Variants in GABBR1 observed in about 807,000 individuals in gnomAD.
GABBR1 encodes gamma-aminobutyric acid type B receptor subunit 1, also known as GABA-B receptor, R1 subunit.
A neutral mutation model predicts 117.7 loss-of-function variants in GABBR1; 35 were observed. That is an observed-to-expected ratio of 0.30 (90% CI 0.23 to 0.39). The LOEUF (loss-of-function observed/expected upper bound fraction) is 0.39, where lower values mean the gene tolerates loss of function less well. GABBR1 is among the 10% of genes least tolerant of loss of function. The pLI, the probability that GABBR1 is intolerant of heterozygous loss-of-function variation, is 1.00. For missense variants in GABBR1, 709 were observed against 1,241.8 expected (o/e 0.57, Z 6.45); for synonymous variants, 442 against 486.6 (o/e 0.91, Z 1.21).
At position 29,613,471 on chromosome 6, in the gene GABBR1, A is replaced by G. The variant is rs762488096; in HGVS notation, c.1338T>C (p.Phe446=). ...TCAGTCGCTTGGTTAGTTTCTCCACAAATTCCTGGGATGTCTTGGGAGGAA... is the reference window on the plus strand; with the variant it reads ...TCAGTCGCTTGGTTAGTTTCTCCACGAATTCCTGGGATGTCTTGGGAGGAA... The part of the protein sequence containing the change: ...RSISNMTSQE[F]VEKLTKRLKR... Residue 446 remains phenylalanine (F), a synonymous_variant, in exon 12 of 23, where the codon TTT becomes TTC. Transcript: ENST00000377034. This position sits in a 1 kb window ranked among gnomAD's most constrained non-coding sequence, Gnocchi z 4.1. 1.9e-6 allele frequency: 3 copies of G among 1,612,766 alleles called. No individual in the cohort carries two copies. The highest frequency in any genetic ancestry group is 2.5e-6 in the Non-Finnish European group (3 of 1,179,772).
rs907674796 is a variant in GABBR1 at position 29,611,715 on chromosome 6, C to T, written c.1631-714G>A. On this transcript the variant is annotated intron_variant, in intron 13 of 22. Transcript: ENST00000377034. This position sits in a 1 kb window ranked among gnomAD's most constrained non-coding sequence, Gnocchi z 4.6. Reference sequence around the variant, plus strand: ...GGCCATGCCGTAAAAGACTGAGAGCCGAGTGGAGCAGAAAAATTAACTCCT... The same window carrying T: ...GGCCATGCCGTAAAAGACTGAGAGCTGAGTGGAGCAGAAAAATTAACTCCT... 6.6e-6 allele frequency among the ~76,000 whole-genome samples: 1 copy of T among 152,108 alleles called. No individual in the cohort carries two copies. Among genetic ancestry groups the T allele is most frequent in the South Asian group, 2.1e-4 (1 of 4,830 alleles).
At position 29,606,966 on chromosome 6, in the gene GABBR1, C is replaced by T; in HGVS notation, c.2148G>A (p.Leu716=). ...GAGTGAGGACATCCATGCCCACCAG[C>T]AGGCCCACTGTGGCATACAGCTTCC... is the stretch of plus-strand genomic sequence containing the variant. ...EPWKLYATVG[L]LVGMDVLTLA... The change falls in exon 18 of 23, where the codon CTG becomes CTA. Residue 716 remains leucine, a synonymous_variant. Transcript: ENST00000377034. The surrounding 1 kb of genome is among the most constrained non-coding windows in gnomAD (Gnocchi z 4.5). The T allele has an allele frequency of 6.2e-7, 1 of 1,614,248 alleles. No homozygotes were observed. The highest frequency in any genetic ancestry group is 1.1e-5 in the South Asian group (1 of 91,090).
chr6:29,612,734 T>A, intron 12 of GABBR1, 120 bp from the exon 13 acceptor site: 2 of 880,230 alleles, frequency 2.3e-6, no homozygotes, highest in Non-Finnish European at 1.9e-6. Flanking sequence ...TGAATGCTAT[T>A]TATGGCATTT....
chr6:29,622,167 T>G lies in GABBR1; in HGVS notation c.1002A>C (p.Gly334=). ...DDLEERVKEA[G]IEITFRQSFF... ...AACTCTGGCGGAAAGTAATCTCAAT[T>G]CCAGCCTCCTTCACTCGTTCCTCCA... The change falls in exon 9 of 23, where the codon GGA becomes GGC. Residue 334 remains glycine, a synonymous_variant. Transcript: ENST00000377034. The surrounding 1 kb of genome is among the most constrained non-coding windows in gnomAD (Gnocchi z 4.6). 6.2e-7 allele frequency: 1 copy of G among 1,614,102 alleles called. No individual in the cohort carries two copies. The highest frequency in any genetic ancestry group is 1.1e-5 in the South Asian group (1 of 91,068).
chr6:29,603,796 C>A, intron 22 of GABBR1, 80 bp from the exon 23 acceptor site: 1 of 1,126,610 alleles, frequency 8.9e-7, no homozygotes, highest in South Asian at 2.4e-5. Context: ...AGAGGAAGGG[C>A]ACAGGGAAAG....
Position 29,632,805 on chromosome 6 carries a change from G to A in GABBR1, c.-1+45C>T, listed in dbSNP as rs1333740568. The A allele has an allele frequency of 1.5e-6, 1 of 669,068 alleles. No homozygotes were observed. The highest frequency in any genetic ancestry group is 1.9e-6 in the Non-Finnish European group (1 of 515,056). 41.4% of individuals were successfully genotyped at this position (669,068 alleles called of 1,614,324 possible). A position where few individuals can be genotyped will look rare whatever the true frequency, so the allele number is the denominator to read the frequency against. ...ACTGCCCCCTCCCCCACCACGCCGC[G>A]CGCCCCCTCTCCGAGCCCTGCTAAC... On this transcript the variant is annotated intron_variant, in intron 1 of 22. Transcript: ENST00000377034. This position sits in a 1 kb window ranked among gnomAD's most constrained non-coding sequence, Gnocchi z 5.8.
At chr6:29,608,412 G>C (rs1359496209) in intron 16 of GABBR1, 189 bp downstream of exon 16, 20 of 591,116 alleles carry the variant, frequency 3.4e-5, no homozygotes, top group Non-Finnish European at 8.8e-6. Flanking sequence ...GAATGAAAAT[G>C]GCCTGCAGAC....
Position 29,623,574 on chromosome 6 carries a change from CT to C in GABBR1, c.793-100del. The C allele has an allele frequency of 8.2e-7, 1 of 1,216,286 alleles. No individual in the cohort carries two copies. The highest frequency in any genetic ancestry group is 1.2e-6 in the Non-Finnish European group (1 of 868,436). 75.3% of individuals were successfully genotyped at this position (1,216,286 alleles called of 1,614,324 possible). The stretch of plus-strand genomic sequence containing the variant: ...ACCCTCTTCCTGCCTTTGGGTTTCT[CT>C]TCCTTACTCTCTCCAAACCTCCCCA... On this transcript the variant is annotated intron_variant, in intron 7 of 22. Transcript: ENST00000377034. This position sits in a 1 kb window ranked among gnomAD's most constrained non-coding sequence, Gnocchi z 6.2.
In GABBR1 at chr6:29,623,656, C is replaced by T. The variant is rs56381026; in HGVS notation, c.793-181G>A. Among the ~76,000 whole-genome samples the T allele has an allele frequency of 0.017, 2,649 of 152,248 alleles. 52 individuals are homozygous for T. Among genetic ancestry groups the T allele is most frequent in the African/African-American group, 0.038 (1,572 of 41,550 alleles). The stretch of plus-strand genomic sequence containing the variant: ...CAAAGGCCCACACACCCCTCACAAC[C>T]GGGATGCTCTTTCACTGATCTAATT... On this transcript the variant is annotated intron_variant, in intron 7 of 22. Coordinates refer to ENST00000377034, the MANE Select transcript of GABBR1 (RefSeq NM_001470.4). The surrounding 1 kb of genome is among the most constrained non-coding windows in gnomAD (Gnocchi z 6.2).
At chr6:29,626,600 C>T (rs1293030414) in intron 6 of GABBR1, among the ~76,000 whole-genome samples, 1 of 152,066 alleles carries the variant, frequency 6.6e-6, no homozygotes, top group East Asian at 1.9e-4. Context: ...CTAATCCCTA[C>T]ATCCCATTTC....
At position 29,609,393 on chromosome 6, in the gene GABBR1, G is replaced by A; in HGVS notation, c.1709-14C>T. ...GGGGGGACCCTCCTGCATGGCACAGGGGAGGAAGAGGGGAAGGGAAAAGAG... is the reference window on the plus strand; with the variant it reads ...GGGGGGACCCTCCTGCATGGCACAGAGGAGGAAGAGGGGAAGGGAAAAGAG... On this transcript the variant is annotated splice_polypyrimidine_tract_variant and intron_variant, in intron 14 of 22. Coordinates refer to ENST00000377034, the MANE Select transcript of GABBR1 (RefSeq NM_001470.4). This position sits in a 1 kb window ranked among gnomAD's most constrained non-coding sequence, Gnocchi z 4.3. 6.2e-7 allele frequency: 1 copy of A among 1,611,676 alleles called. No homozygotes were observed. Among genetic ancestry groups the A allele is most frequent in the Non-Finnish European group, 8.5e-7 (1 of 1,179,012 alleles).
rs1762586736 is a variant in GABBR1 at position 29,611,980 on chromosome 6, G to A, written c.1630+571C>T. Reference sequence around the variant, plus strand: ...GAAGCCACTGGGAAAGAGAGTAGCTGTTTTTAATTTGCATGTCTCTTTTCT... The same window carrying A: ...GAAGCCACTGGGAAAGAGAGTAGCTATTTTTAATTTGCATGTCTCTTTTCT... On this transcript the variant is annotated intron_variant, in intron 13 of 22. Coordinates refer to ENST00000377034, the MANE Select transcript of GABBR1 (RefSeq NM_001470.4). This position sits in a 1 kb window ranked among gnomAD's most constrained non-coding sequence, Gnocchi z 4.6. Among the ~76,000 whole-genome samples, 1 of 152,068 alleles carries A rather than the reference G, an allele frequency of 6.6e-6. No homozygotes were observed. The highest frequency in any genetic ancestry group is 2.4e-5 in the African/African-American group (1 of 41,410).
chr6:29,624,223 G>C (rs1764045605), intron 6 of GABBR1, 199 bp from the exon 7 acceptor site: 1 of 528,752 alleles, frequency 1.9e-6, no homozygotes, highest in South Asian at 2.8e-5. Context: ...TTCCTTCTCT[G>C]TCTTCCATCT....
chr6:29,632,321 G>A lies in GABBR1; in HGVS notation c.65C>T (p.Thr22Ile). 1.5e-6 allele frequency: 2 copies of A among 1,378,722 alleles called. No homozygotes were observed. Among genetic ancestry groups the A allele is most frequent in the Non-Finnish European group, 1.9e-6 (2 of 1,063,928 alleles). 85.4% of individuals were successfully genotyped at this position (1,378,722 alleles called of 1,614,324 possible). A position where few individuals can be genotyped will look rare whatever the true frequency, so the allele number is the denominator to read the frequency against. Reference protein sequence around the residue: ...LRPPGAGGAQTPNATSEGCQI... With the variant: ...LRPPGAGGAQIPNATSEGCQI... The stretch of plus-strand genomic sequence containing the variant: ...TGCACCTTCTGAGGTGGCGTTGGGG[G>A]TCTGCGCCCCGCCCGCGCCCGGGGG... The change falls in exon 2 of 23, where the codon ACC (threonine) becomes ATC (isoleucine). Residue 22 changes from threonine (T) to isoleucine (I), a missense_variant. By Grantham distance (89) the Thr-to-Ile change is moderately conservative. This residue lies in a region of GABBR1 where 43 missense variants were observed against 42.8 expected (regional missense o/e 1.00). Coordinates refer to ENST00000377034, the MANE Select transcript of GABBR1 (RefSeq NM_001470.4). This position sits in a 1 kb window ranked among gnomAD's most constrained non-coding sequence, Gnocchi z 5.8.
Position 29,605,945 on chromosome 6 carries a change from G to C in GABBR1, c.2312-249C>G, listed in dbSNP as rs755363524. 1.1e-4 allele frequency: 66 copies of C among 578,202 alleles called. No homozygotes were observed. Among genetic ancestry groups the C allele is most frequent in the Admixed American group, 2.8e-4 (9 of 32,340 alleles). The allele number at this position is 578,202 out of a possible 1,614,324, so 35.8% of individuals were successfully genotyped here. ...AATGGTGGCAAGCTGCTGTCAGTCA[G>C]GCAAGGGCTTGTTGAATATCTAGAA... On this transcript the variant is annotated intron_variant, in intron 19 of 22. Transcript: ENST00000377034. The surrounding 1 kb of genome is among the most constrained non-coding windows in gnomAD (Gnocchi z 4.2).
At position 29,630,773 on chromosome 6, in the gene GABBR1, G is replaced by A. The variant is rs1423267917; in HGVS notation, c.290-130C>T. The A allele has an allele frequency of 1.4e-6, 1 of 694,846 alleles. No homozygotes were observed. Among genetic ancestry groups the A allele is most frequent in the South Asian group, 2.0e-5 (1 of 50,566 alleles). 43.0% of individuals were successfully genotyped at this position (694,846 alleles called of 1,614,324 possible). ...TCTAAAGAAAATCACATGTGAAAAG[G>A]ATTTGCCTACCTATCTTCCAATCCT... On this transcript the variant is annotated intron_variant, in intron 3 of 22. Transcript: ENST00000377034. This position sits in a 1 kb window ranked among gnomAD's most constrained non-coding sequence, Gnocchi z 4.9.
chr6:29,619,933 C>A (rs1012559029), intron 11 of GABBR1, among the ~76,000 whole-genome samples: 9 of 152,212 alleles, frequency 5.9e-5, no homozygotes, highest in Non-Finnish European at 1.3e-4. Flanking sequence ...CATGTGGCAG[C>A]AGATCTTTCA....
chr6:29,630,939 T>C lies in GABBR1; in HGVS notation c.290-296A>G, dbSNP rs1409299305. Among the ~76,000 whole-genome samples, 2 of 152,212 alleles carry C rather than the reference T, an allele frequency of 1.3e-5. No individual in the cohort carries two copies. Among genetic ancestry groups the C allele is most frequent in the African/African-American group, 2.4e-5 (1 of 41,446 alleles). On this transcript the variant is annotated intron_variant, in intron 3 of 22. Transcript: ENST00000377034. This position sits in a 1 kb window ranked among gnomAD's most constrained non-coding sequence, Gnocchi z 4.9. The stretch of plus-strand genomic sequence containing the variant: ...TGGGCGGTTCTCTGGCTTTGAAATA[T>C]GTAGATGTATATAACTTTGGATGCA...
chr6:29,632,673 C>G lies in GABBR1; in HGVS notation c.-1+177G>C. 1 of 1,450,758 alleles carries G rather than the reference C, an allele frequency of 6.9e-7. No homozygotes were observed. The highest frequency in any genetic ancestry group is 9.1e-7 in the Non-Finnish European group (1 of 1,100,184). 89.9% of individuals were successfully genotyped at this position (1,450,758 alleles called of 1,614,324 possible). ...CCCGGCCCCCGCGGCTCGCAGAAGCCTGGCTTACCCACGCTCCCGGCATCG... is the reference window on the plus strand; with the variant it reads ...CCCGGCCCCCGCGGCTCGCAGAAGCGTGGCTTACCCACGCTCCCGGCATCG... On this transcript the variant is annotated intron_variant, in intron 1 of 22. Coordinates refer to ENST00000377034, the MANE Select transcript of GABBR1 (RefSeq NM_001470.4). The surrounding 1 kb of genome is among the most constrained non-coding windows in gnomAD (Gnocchi z 5.8).
Sources: allele counts gnomAD v4.1 joint callset (sites outside exome capture counted in the v4.1 genomes callset), GRCh38; gene constraint gnomAD v4.1.1; regional missense constraint gnomAD v4.1.1; non-coding constraint Gnocchi (gnomAD v3.1); transcripts MANE v1.5; gene names NCBI Gene and HGNC (gene_info 2026-07-23, HGNC 2026-07-21).